LRRC7: variants seen among roughly 807,000 people sequenced by gnomAD.
LRRC7 encodes leucine rich repeat containing 7.
LRRC7 carries 23 observed loss-of-function variants against 175.7 expected under a neutral mutation model. That is an observed-to-expected ratio of 0.13 (90% CI 0.09 to 0.19). LRRC7 has a LOEUF of 0.19. Among genes scored for constraint, LRRC7 ranks in the 10% least tolerant of loss-of-function variants. The probability of loss-of-function intolerance (pLI) is 1.00; values close to 1 mark genes in which losing one functional copy is unlikely to be tolerated. For missense variants in LRRC7, 1,354 were observed against 1,904.7 expected (o/e 0.71, Z 5.38); for synonymous variants, 685 against 680.9 (o/e 1.01, Z -0.09).
chr1:70,135,193 G>C lies in LRRC7; in HGVS notation c.*13306G>C, dbSNP rs866981289. Reference sequence around the variant, plus strand: ...AAGTATTTTTTTCTTTGTCTTCTATGGATAATCTTAATTTTTTATTCCTAG... The same window carrying C: ...AAGTATTTTTTTCTTTGTCTTCTATCGATAATCTTAATTTTTTATTCCTAG... On this transcript the variant is annotated 3_prime_UTR_variant, in exon 27 of 27. Transcript: ENST00000651989. Among the ~76,000 whole-genome samples, 2 of 151,832 alleles carry C rather than the reference G, an allele frequency of 1.3e-5. No individual in the cohort carries two copies. Among genetic ancestry groups the C allele is most frequent in the Non-Finnish European group, 2.9e-5 (2 of 67,986 alleles).
chr1:70,082,698 C>T (rs907686884), intron 24 of LRRC7, among the ~76,000 whole-genome samples: 14 of 142,632 alleles, frequency 9.8e-5, no homozygotes, highest in African/African-American at 3.1e-4. Flanking sequence ...TTCCTAGATA[C>T]ATACAGAATC....
chr1:69,906,291 T>G (rs1234627497), intron 7 of LRRC7, among the ~76,000 whole-genome samples: 1 of 152,234 alleles, frequency 6.6e-6, no homozygotes, highest in South Asian at 2.1e-4. Flanking sequence ...ATTTTGGCTT[T>G]TGTTGCCATT....
At chr1:69,887,572 C>T (rs937978753) in intron 7 of LRRC7, among the ~76,000 whole-genome samples, 1 of 152,000 alleles carries the variant, frequency 6.6e-6, no homozygotes, top group Non-Finnish European at 1.5e-5. Flanking sequence ...AATGTCCTCC[C>T]ATAGCTCAGA....
chr1:69,765,840 T>C (rs1196211866), intron 3 of LRRC7, among the ~76,000 whole-genome samples: 1 of 152,112 alleles, frequency 6.6e-6, no homozygotes, highest in Non-Finnish European at 1.5e-5. Flanking sequence ...CTAACCATCA[T>C]AGTTACTTTC....
chr1:69,869,222 G>A (rs748031396), intron 7 of LRRC7, among the ~76,000 whole-genome samples: 86 of 152,020 alleles, frequency 5.7e-4, no homozygotes, highest in South Asian at 1.9e-3. Context: ...GGCAAAACTC[G>A]GATTATTCTA....
At chr1:69,798,860 G>T (rs1676118387) in intron 4 of LRRC7, among the ~76,000 whole-genome samples, 1 of 152,052 alleles carries the variant, frequency 6.6e-6, no homozygotes, top group Non-Finnish European at 1.5e-5. Context: ...CCCCATATCT[G>T]TGTCACACAC....
intron 8 of LRRC7, among the ~76,000 whole-genome samples, chr1:69,966,371 T>A (rs571886015): frequency 2.6e-5 from 4 of 152,296 alleles, no homozygotes; most frequent in African/African-American, 9.6e-5. Context: ...ATTTTAAAAT[T>A]TAAAGGTCTC....
At chr1:70,005,048 A>G (rs1161520410) in intron 11 of LRRC7, among the ~76,000 whole-genome samples, 1 of 151,956 alleles carries the variant, frequency 6.6e-6, no homozygotes, top group South Asian at 2.1e-4. Flanking sequence ...CAGGTACTCT[A>G]CCTCGTAACA....
chr1:70,023,985 T>C (rs953096839), intron 17 of LRRC7, among the ~76,000 whole-genome samples: 4 of 151,822 alleles, frequency 2.6e-5, no homozygotes, highest in Non-Finnish European at 5.9e-5. Flanking sequence ...AAGAGGTTAA[T>C]GGGGGGAAAA....
intron 2 of LRRC7, among the ~76,000 whole-genome samples, chr1:69,705,695 A>G (rs1363188561): frequency 3.9e-5 from 6 of 152,074 alleles, no homozygotes; most frequent in African/African-American, 1.2e-4. Flanking sequence ...TAAAACTGGT[A>G]TTTGGGTTAC....
chr1:69,884,165 G>A, intron 7 of LRRC7, among the ~76,000 whole-genome samples: 1 of 78,084 alleles, frequency 1.3e-5, no homozygotes. Flanking sequence ...GTCATTGGTA[G>A]CTTGATGGGG....
intron 1 of LRRC7, among the ~76,000 whole-genome samples, chr1:69,592,220 T>C (rs1156302928): frequency 6.6e-6 from 1 of 152,038 alleles, no homozygotes; most frequent in African/African-American, 2.4e-5. Flanking sequence ...TGTATCTCTT[T>C]AGTTTGTAAA....
chr1:69,636,389 C>T (rs1653362207), intron 1 of LRRC7, among the ~76,000 whole-genome samples: 1 of 149,924 alleles, frequency 6.7e-6, no homozygotes, highest in Non-Finnish European at 1.5e-5. Context: ...GTTCTACTAT[C>T]ACTACAAATC....
rs192531172 is a variant in LRRC7 at position 69,812,636 on chromosome 1, G to A, written c.422-13112G>A. Among the ~76,000 whole-genome samples the A allele has an allele frequency of 1.1e-3, 162 of 152,152 alleles. 2 individuals are homozygous for A. Among genetic ancestry groups the A allele is most frequent in the Non-Finnish European group, 2.5e-4 (17 of 68,000 alleles). ...CATGTTTCCTGTCTTTATTTCATATGAGAGGTATCATTAGGACTTTTGTCT... is the reference window on the plus strand; with the variant it reads ...CATGTTTCCTGTCTTTATTTCATATAAGAGGTATCATTAGGACTTTTGTCT... On this transcript the variant is annotated intron_variant, in intron 4 of 26. Coordinates refer to ENST00000651989, the MANE Select transcript of LRRC7 (RefSeq NM_001370785.2).
chr1:69,872,874 C>T (rs1192052628), intron 7 of LRRC7, among the ~76,000 whole-genome samples: 1 of 152,068 alleles, frequency 6.6e-6, no homozygotes, highest in Admixed American at 6.6e-5. Flanking sequence ...GATGTTTTCT[C>T]ATATGAGATC....
intron 2 of LRRC7, among the ~76,000 whole-genome samples, chr1:69,717,049 A>G (rs1665439678): frequency 6.7e-6 from 1 of 150,060 alleles, no homozygotes; most frequent in Admixed American, 6.7e-5. Flanking sequence ...GATTTTACAT[A>G]TATATCTACA....
chr1:69,690,163 C>T (rs1661662048), intron 2 of LRRC7, among the ~76,000 whole-genome samples: 1 of 152,188 alleles, frequency 6.6e-6, no homozygotes, highest in Non-Finnish European at 1.5e-5. Context: ...TGAGATGCTA[C>T]ATAGGATATA....
intron 8 of LRRC7, among the ~76,000 whole-genome samples, chr1:69,939,031 CTATATATATCTATATCTA>C (rs1447196126): frequency 5.1e-5 from 3 of 58,264 alleles, no homozygotes; most frequent in East Asian, 5.6e-4. Context: ...ATATATATAT[CTATATATATCTATATCTA>C]TCTCACAGAC....
intron 7 of LRRC7, among the ~76,000 whole-genome samples, chr1:69,850,779 T>C (rs868486777): frequency 6.6e-6 from 1 of 152,090 alleles, no homozygotes; most frequent in Admixed American, 6.6e-5. Context: ...GAATTTGATA[T>C]TGGCAATGGA....
Sources: gnomAD v4.1 joint callset for allele counts (sites outside exome capture counted in the v4.1 genomes callset) on GRCh38, gnomAD v4.1.1 for gene constraint, MANE v1.5 for transcripts, NCBI Gene and HGNC (gene_info 2026-07-23, HGNC 2026-07-21) for gene names.